The following ZNF804B variants were observed in gnomAD, a reference collection of about 807,000 sequenced individuals.
ZNF804B encodes zinc finger protein 804B, also known as zinc finger 804B.
Under a neutral mutation model 101.4 loss-of-function variants are expected in ZNF804B, and 80 were observed. The observed-to-expected ratio is 0.79, with a 90% CI of 0.66 to 0.95. The LOEUF (loss-of-function observed/expected upper bound fraction) is 0.95, where lower values mean the gene tolerates loss of function less well. Among genes scored for constraint, ZNF804B ranks in the 40% least tolerant of loss-of-function variants. The probability of loss-of-function intolerance (pLI) is 0.00; values close to 1 mark genes in which losing one functional copy is unlikely to be tolerated. For missense variants in ZNF804B, 1,673 were observed against 1,561.9 expected (o/e 1.07, Z -1.20); for synonymous variants, 622 against 558.8 (o/e 1.11, Z -1.59).
intron 1 of ZNF804B, among the ~76,000 whole-genome samples, chr7:89,077,890 G>A (rs1789637462): frequency 2.0e-5 from 3 of 152,088 alleles, no homozygotes; most frequent in African/African-American, 7.2e-5. Flanking sequence ...AACCGCAAGG[G>A]TTTTTATCAT....
chr7:88,973,958 A>G (rs1793574453), intron 1 of ZNF804B, among the ~76,000 whole-genome samples: 1 of 151,236 alleles, frequency 6.6e-6, no homozygotes, highest in African/African-American at 2.4e-5. Context: ...ACTTTTCTGG[A>G]CTACCATAGA....
intron 1 of ZNF804B, among the ~76,000 whole-genome samples, chr7:89,075,431 G>A (rs1180247392): frequency 2.0e-5 from 3 of 152,186 alleles, no homozygotes; most frequent in Non-Finnish European, 2.9e-5. Context: ...TGGCTTCAGA[G>A]GGTGCAAGCC....
intron 1 of ZNF804B, among the ~76,000 whole-genome samples, chr7:88,920,800 T>C (rs1428147888): frequency 6.6e-6 from 1 of 152,122 alleles, no homozygotes; most frequent in East Asian, 1.9e-4. Context: ...TTACTCAGCA[T>C]TTCAATGCAA....
chr7:88,808,859 C>G (rs982323316), intron 1 of ZNF804B, among the ~76,000 whole-genome samples: 1 of 152,036 alleles, frequency 6.6e-6, no homozygotes, highest in Non-Finnish European at 1.5e-5. Context: ...TATGAAATCC[C>G]TTTTATAGAC....
chr7:88,913,289 T>C (rs1792576461), intron 1 of ZNF804B, among the ~76,000 whole-genome samples: 1 of 152,368 alleles, frequency 6.6e-6, no homozygotes, highest in African/African-American at 2.4e-5. Flanking sequence ...TCAGATGTAG[T>C]GTATTTAGGA....
intron 1 of ZNF804B, among the ~76,000 whole-genome samples, chr7:88,766,881 A>G (rs1261572571): frequency 6.6e-6 from 1 of 152,066 alleles, no homozygotes; most frequent in African/African-American, 2.4e-5. Flanking sequence ...TCTAGCAAGT[A>G]TAATTAGGAC....
In ZNF804B at chr7:89,099,333, A is replaced by G. The variant is rs1243984987; in HGVS notation, c.109-118822A>G. Among the ~76,000 whole-genome samples the G allele has an allele frequency of 2.0e-5, 3 of 152,114 alleles. No individual in the cohort carries two copies. The South Asian group carries it at 6.2e-4, about 31-fold the overall frequency. On this transcript the variant is annotated intron_variant, in intron 1 of 3. Transcript: ENST00000333190. ...ATATACAAATATATAATAAAAGGGG[A>G]AGAAAAAATAATGTAAAGCAAAAAT...
intron 1 of ZNF804B, among the ~76,000 whole-genome samples, chr7:89,110,468 T>C (rs1253022876): frequency 2.6e-5 from 4 of 152,178 alleles, no homozygotes; most frequent in African/African-American, 7.2e-5. Context: ...ATAATGTGGT[T>C]CTGGACAAAG....
intron 3 of ZNF804B, among the ~76,000 whole-genome samples, chr7:89,330,581 A>AT (rs987709576): frequency 6.6e-6 from 1 of 151,674 alleles, no homozygotes; most frequent in Non-Finnish European, 1.5e-5. Flanking sequence ...CCCCACAAAG[A>AT]TAAAAACAGG....
intron 1 of ZNF804B, among the ~76,000 whole-genome samples, chr7:88,916,929 C>A (rs184685057): frequency 5.3e-4 from 80 of 152,052 alleles, no homozygotes; most frequent in East Asian, 3.7e-3. Context: ...ATATGCAGGT[C>A]TAGAAGCTTT....
At chr7:89,012,749 T>G (rs1050620498) in intron 1 of ZNF804B, among the ~76,000 whole-genome samples, 4 of 152,314 alleles carry the variant, frequency 2.6e-5, no homozygotes, top group African/African-American at 7.2e-5. Flanking sequence ...TGTTCAAACC[T>G]CTGCCTGTTA....
At chr7:88,790,733 G>C (rs1790367728) in intron 1 of ZNF804B, among the ~76,000 whole-genome samples, 1 of 152,000 alleles carries the variant, frequency 6.6e-6, no homozygotes. Context: ...TTGCTATTGT[G>C]AATAGGGCTG....
At chr7:89,291,074 G>T (rs974360189) in intron 2 of ZNF804B, among the ~76,000 whole-genome samples, 1 of 152,140 alleles carries the variant, frequency 6.6e-6, no homozygotes, top group South Asian at 2.1e-4. Context: ...CAGTGTTACT[G>T]GGCTTGGAGT....
At chr7:88,776,547 C>G (rs1362919741) in intron 1 of ZNF804B, among the ~76,000 whole-genome samples, 10 of 121,782 alleles carry the variant, frequency 8.2e-5, no homozygotes, top group Non-Finnish European at 1.3e-4. Context: ...TTTTCTATTT[C>G]TCGTGGTGTT....
chr7:88,925,590 C>T lies in ZNF804B; in HGVS notation c.108+165506C>T, dbSNP rs1792785391. ...AGAGAGGCCTTGGGAGAAGATAAAC[C>T]TGTTGACAGCTTGAATATGAAGAAT... is the stretch of plus-strand genomic sequence containing the variant. On this transcript the variant is annotated intron_variant, in intron 1 of 3. Coordinates refer to ENST00000333190, the MANE Select transcript of ZNF804B (RefSeq NM_181646.5). Among the ~76,000 whole-genome samples the T allele has an allele frequency of 2.6e-5, 4 of 152,172 alleles. No individual in the cohort carries two copies. In the South Asian group the frequency reaches 8.3e-4, roughly 32 times the overall value.
intron 1 of ZNF804B, among the ~76,000 whole-genome samples, chr7:88,907,392 T>C (rs1481896815): frequency 3.3e-5 from 5 of 152,078 alleles, no homozygotes; most frequent in Non-Finnish European, 7.4e-5. Flanking sequence ...CTGATTGTTA[T>C]GTAGACTTGA....
chr7:89,060,919 G>A (rs537439146), intron 1 of ZNF804B, among the ~76,000 whole-genome samples: 2 of 152,230 alleles, frequency 1.3e-5, no homozygotes, highest in African/African-American at 4.8e-5. Context: ...ATTGGCAACT[G>A]CATATGGAGT....
At chr7:89,261,954 G>A (rs1789718847) in intron 2 of ZNF804B, among the ~76,000 whole-genome samples, 3 of 152,198 alleles carry the variant, frequency 2.0e-5, no homozygotes, top group Admixed American at 6.5e-5. Context: ...CACTTTCTGG[G>A]TTTATTATAA....
At chr7:88,899,783 CCTT>C (rs1163474487) in intron 1 of ZNF804B, among the ~76,000 whole-genome samples, 2 of 152,088 alleles carry the variant, frequency 1.3e-5, no homozygotes, top group African/African-American at 4.8e-5. Flanking sequence ...ACCCATATCT[CCTT>C]CTATGTACTA....
Sources: allele counts gnomAD v4.1 joint callset (sites outside exome capture counted in the v4.1 genomes callset), GRCh38; gene constraint gnomAD v4.1.1; transcripts MANE v1.5; gene names NCBI Gene and HGNC (gene_info 2026-07-23, HGNC 2026-07-21).